Variants in NUGGC observed in about 807,000 individuals in gnomAD.
NUGGC encodes nuclear GTPase SLIP-GC.
A neutral mutation model predicts 92.6 loss-of-function variants in NUGGC; 58 were observed. The ratio of observed to expected loss-of-function variants is 0.63; its 90% CI spans 0.51 to 0.78. The LOEUF (loss-of-function observed/expected upper bound fraction) is 0.78. Ranked by LOEUF, NUGGC falls within the 30% of genes least tolerant of loss-of-function variation. The probability of loss-of-function intolerance (pLI) is 0.00; values close to 1 mark genes in which losing one functional copy is unlikely to be tolerated. For missense variants in NUGGC, 925 were observed against 964.6 expected, an observed-to-expected ratio of 0.96 and a Z score of 0.54; for synonymous variants, 376 against 366.4, an observed-to-expected ratio of 1.03 and a Z score of -0.30.
At chr8:28,036,307 T>G (rs1809552980) in intron 13 of NUGGC, among the ~76,000 whole-genome samples, 1 of 152,208 alleles carries the variant, frequency 6.6e-6, no homozygotes, top group Non-Finnish European at 1.5e-5. Flanking sequence ...CTTTTCCTTC[T>G]CTGCCCCTCC....
intron 17 of NUGGC, among the ~76,000 whole-genome samples, chr8:28,027,409 C>A (rs532413745): frequency 4.6e-5 from 7 of 152,138 alleles, no homozygotes. Context: ...AGGGAAAGAG[C>A]TGGTCACTTT....
intron 14 of NUGGC, 32 bp from the exon 15 acceptor site, chr8:28,031,413 G>C (rs761056062): frequency 1.2e-6 from 2 of 1,608,160 alleles, no homozygotes; most frequent in Non-Finnish European, 1.7e-6. Flanking sequence ...AAGTTTAAGA[G>C]AATGGTGGCT....
intron 4 of NUGGC, among the ~76,000 whole-genome samples, chr8:28,069,246 G>A (rs1285808104): frequency 2.0e-5 from 3 of 152,152 alleles, no homozygotes; most frequent in Non-Finnish European, 4.4e-5. Flanking sequence ...GTGTGAGTTT[G>A]TTCACATCTG....
rs1391852249 is a variant in NUGGC, at chr8:28,079,407, GCA to G, written c.-47+4366_-47+4367del. ...ATACAAAAATTAGCCCGGTGTGGTG[GCA>G]CGCGCCTGTAATCCCAGCTACTCAG... On this transcript the variant is annotated intron_variant, in intron 1 of 18. Transcript: ENST00000413272. Among the ~76,000 whole-genome samples the G allele has an allele frequency of 1.4e-3, 218 of 152,270 alleles. 2 individuals carry two copies. The highest frequency in any genetic ancestry group is 5.2e-3 in the African/African-American group (215 of 41,550).
intron 3 of NUGGC, 65 bp from the exon 4 acceptor site, chr8:28,069,717 G>T (rs757854804): frequency 1.1e-6 from 1 of 887,314 alleles, no homozygotes; most frequent in Non-Finnish European, 1.9e-6. Flanking sequence ...GGTCTCCAAA[G>T]GAGGTGTCTG....
intron 15 of NUGGC, 142 bp from the exon 16 acceptor site, chr8:28,030,560 C>T: frequency 1.6e-6 from 1 of 639,642 alleles, no homozygotes; most frequent in Non-Finnish European, 2.9e-6. Flanking sequence ...CACAACTAGG[C>T]TGTGAGCTTC....
chr8:28,023,559 A>G, intron 18 of NUGGC, 97 bp from the exon 19 acceptor site: 1 of 1,242,060 alleles, frequency 8.1e-7, no homozygotes, highest in Non-Finnish European at 1.1e-6. Flanking sequence ...CTTGTCCCAG[A>G]ATATGAGATC....
At chr8:28,062,067 G>A (rs1267340972) in intron 7 of NUGGC, among the ~76,000 whole-genome samples, 1 of 152,068 alleles carries the variant, frequency 6.6e-6, no homozygotes, top group Non-Finnish European at 1.5e-5. Flanking sequence ...AACCACCATC[G>A]GCTCAATGCC....
chr8:28,080,134 G>A (rs1810815467), intron 1 of NUGGC, among the ~76,000 whole-genome samples: 1 of 152,108 alleles, frequency 6.6e-6, no homozygotes, highest in Non-Finnish European at 1.5e-5. Flanking sequence ...TAGAGACAAG[G>A]TTTCACTATG....
At position 28,067,591 on chromosome 8, in the gene NUGGC, T is replaced by C; in HGVS notation, c.634A>G (p.Asn212Asp). ...MIYGNGAESK[N>D]YEELLRAKPK... is the part of the protein sequence containing the mutation. ...TTCGCCCTCAGTAACTCCTCATAGTTCTTACTCTCTGCCCCATTTCCATAA... is the reference window on the plus strand; with the variant it reads ...TTCGCCCTCAGTAACTCCTCATAGTCCTTACTCTCTGCCCCATTTCCATAA... The change falls in exon 6 of 19, where the codon AAC becomes GAC. Residue 212 changes from asparagine (N) to aspartate (D), a missense_variant. Transcript: ENST00000413272. The C allele has an allele frequency of 6.2e-7, 1 of 1,613,774 alleles. No homozygotes were observed. Among genetic ancestry groups the C allele is most frequent in the African/African-American group, 1.3e-5 (1 of 75,060 alleles).
At position 28,023,088 on chromosome 8, in the gene NUGGC, A is replaced by T. The variant is rs76793399; in HGVS notation, c.*229T>A. The T allele has an allele frequency of 2.7e-6, 1 of 364,086 alleles. No homozygotes were observed. Among genetic ancestry groups the T allele is most frequent in the Non-Finnish European group, 4.9e-6 (1 of 205,060 alleles). 22.6% of individuals were successfully genotyped at this position (364,086 alleles called of 1,614,324 possible). A position where few individuals can be genotyped will look rare whatever the true frequency, so the allele number is the denominator to read the frequency against. ...CTGTCTCAAAAAAAAAAAAAAAAAA[A>T]TTACCCAGGTGTGGTGGCCTGTACC... is the stretch of plus-strand genomic sequence containing the variant. On this transcript the variant is annotated 3_prime_UTR_variant, in exon 19 of 19. Transcript: ENST00000413272.
At chr8:28,050,682 A>C (rs901472707) in intron 10 of NUGGC, among the ~76,000 whole-genome samples, 1 of 150,880 alleles carries the variant, frequency 6.6e-6, no homozygotes, top group Non-Finnish European at 1.5e-5. Context: ...GTGGTGGCGC[A>C]TGCCTGTAAT....
At chr8:28,046,642 G>A (rs1809842629) in intron 11 of NUGGC, among the ~76,000 whole-genome samples, 1 of 151,722 alleles carries the variant, frequency 6.6e-6, no homozygotes, top group Non-Finnish European at 1.5e-5. Context: ...TCTAATGCCT[G>A]AAGCTGGGTG....
Position 28,023,375 on chromosome 8 carries a change from T to C in NUGGC, c.2333A>G (p.Gln778Arg). The C allele has an allele frequency of 6.2e-7, 1 of 1,614,016 alleles. No homozygotes were observed. Among genetic ancestry groups the C allele is most frequent in the Non-Finnish European group, 8.5e-7 (1 of 1,179,876 alleles). The change falls in exon 19 of 19, where the codon CAA (glutamine) becomes CGA (arginine). Residue 778 changes from glutamine to arginine, a missense_variant. By Grantham distance (43) the Gln-to-Arg change is conservative (BLOSUM62 1). Coordinates refer to ENST00000413272, the MANE Select transcript of NUGGC (RefSeq NM_001010906.2). ...GGGGGATGCCCTTAGGAGGAATTCT[T>C]GCATGCCCTTCCTCAGCCGTGCATT... ...AENARLRKGM[Q>R]EFLLRASPSK...
intron 3 of NUGGC, 82 bp downstream of exon 3, chr8:28,070,170 T>G (rs1199543537): frequency 2.7e-6 from 4 of 1,482,132 alleles, no homozygotes; most frequent in Non-Finnish European, 3.6e-6. Context: ...GCTTCAGAAT[T>G]TAACCTCCTC....
At chr8:28,075,586 T>A in intron 1 of NUGGC, among the ~76,000 whole-genome samples, 1 of 152,186 alleles carries the variant, frequency 6.6e-6, no homozygotes, top group Non-Finnish European at 1.5e-5. Flanking sequence ...GCCGTGTATT[T>A]CAAAAGCAGA....
At chr8:28,079,569 G>A (rs1810799068) in intron 1 of NUGGC, among the ~76,000 whole-genome samples, 2 of 152,164 alleles carry the variant, frequency 1.3e-5, no homozygotes, top group Admixed American at 6.5e-5. Flanking sequence ...TTCTTCTACA[G>A]ATCCAGACCC....
intron 8 of NUGGC, among the ~76,000 whole-genome samples, chr8:28,060,072 A>G (rs1810258386): frequency 6.6e-6 from 1 of 151,236 alleles, no homozygotes; most frequent in Non-Finnish European, 1.5e-5. Flanking sequence ...TGTACCCCCT[A>G]GTTATGGGGG....
chr8:28,081,026 A>G (rs1810837691), intron 1 of NUGGC, among the ~76,000 whole-genome samples: 1 of 152,146 alleles, frequency 6.6e-6, no homozygotes, highest in Non-Finnish European at 1.5e-5. Context: ...TACCTGTATC[A>G]AGAATTCATT....
Sources: gnomAD v4.1 joint callset for allele counts (sites outside exome capture counted in the v4.1 genomes callset) on GRCh38, gnomAD v4.1.1 for gene constraint, MANE v1.5 for transcripts, NCBI Gene and HGNC (gene_info 2026-07-23, HGNC 2026-07-21) for gene names.